NRXN1: variants seen among roughly 807,000 people sequenced by gnomAD.
NRXN1 encodes the protein neurexin 1, also known as neurexin-1.
A neutral mutation model predicts 150.9 loss-of-function variants in NRXN1; 39 were observed. The observed-to-expected ratio is 0.26, with a 90% CI of 0.20 to 0.34. The LOEUF (loss-of-function observed/expected upper bound fraction) is 0.34. NRXN1 is among the 10% of genes least tolerant of loss of function. The probability of loss-of-function intolerance (pLI) is 1.00; values close to 1 mark genes in which losing one functional copy is unlikely to be tolerated. For missense variants in NRXN1, 1,815 were observed against 1,949.9 expected, an observed-to-expected ratio of 0.93 and a Z score of 1.30; for synonymous variants, 924 against 757.0, an observed-to-expected ratio of 1.22 and a Z score of -3.62.
intron 5 of NRXN1, among the ~76,000 whole-genome samples, chr2:50,774,342 TTACA>T (rs1035316967): frequency 5.3e-5 from 8 of 152,098 alleles, no homozygotes; most frequent in African/African-American, 1.7e-4. Flanking sequence ...ATTAAACACA[TTACA>T]GATGAGTTGA....
chr2:50,293,520 C>A (rs966962210), intron 17 of NRXN1, among the ~76,000 whole-genome samples: 2 of 152,038 alleles, frequency 1.3e-5, no homozygotes, highest in African/African-American at 4.8e-5. Flanking sequence ...CCTAAAAGAA[C>A]AAAATTCAAT....
intron 19 of NRXN1, among the ~76,000 whole-genome samples, chr2:50,077,429 T>C (rs551185787): frequency 1.3e-5 from 2 of 152,188 alleles, no homozygotes; most frequent in East Asian, 1.9e-4. Flanking sequence ...TCTACTGTGA[T>C]TGTGCTCATT....
rs79326317 is a variant in NRXN1, at chr2:50,657,445, C to T, written c.833-33830G>A. On this transcript the variant is annotated intron_variant, in intron 5 of 22. Coordinates refer to ENST00000401669, the MANE Select transcript of NRXN1 (RefSeq NM_001330078.2). The stretch of plus-strand genomic sequence containing the variant: ...AATCACTCATGTTTAAATATTTTTT[C>T]GTCCATCTCCTACAGTAGAATATGA... 4.4e-3 allele frequency among the ~76,000 whole-genome samples: 671 copies of T among 152,036 alleles called. 7 individuals are homozygous for T. Among genetic ancestry groups the T allele is most frequent in the East Asian group, 0.029 (148 of 5,140 alleles).
chr2:50,855,532 C>A (rs1675144409), intron 5 of NRXN1, among the ~76,000 whole-genome samples: 1 of 151,910 alleles, frequency 6.6e-6, no homozygotes, highest in South Asian at 2.1e-4. Context: ...CCTCACTTTA[C>A]CAATGGCCAA....
intron 5 of NRXN1, among the ~76,000 whole-genome samples, chr2:50,909,530 G>A (rs1684230282): frequency 6.6e-6 from 1 of 151,838 alleles, no homozygotes; most frequent in Admixed American, 6.6e-5. Context: ...GTACTTTCTG[G>A]CTCCTAGTAA....
At chr2:50,162,646 C>A (rs960980309) in intron 18 of NRXN1, among the ~76,000 whole-genome samples, 1 of 152,060 alleles carries the variant, frequency 6.6e-6, no homozygotes, top group Non-Finnish European at 1.5e-5. Flanking sequence ...GTATATTACA[C>A]ACACACACAA....
intron 21 of NRXN1, among the ~76,000 whole-genome samples, chr2:50,050,725 T>C (rs1003815522): frequency 6.6e-6 from 1 of 152,006 alleles, no homozygotes; most frequent in Non-Finnish European, 1.5e-5. Flanking sequence ...TTACGAATTA[T>C]GGAAAATTTT....
chr2:50,711,195 G>C (rs1285377370), intron 5 of NRXN1, among the ~76,000 whole-genome samples: 2 of 152,106 alleles, frequency 1.3e-5, no homozygotes, highest in East Asian at 1.9e-4. Context: ...GTTTTGGTAA[G>C]TTTAAGCATT....
chr2:50,899,398 C>T (rs756210015), intron 5 of NRXN1, among the ~76,000 whole-genome samples: 41 of 152,068 alleles, frequency 2.7e-4, no homozygotes, highest in Non-Finnish European at 5.1e-4. Flanking sequence ...AAAGGAGGGT[C>T]TTCCCACTAC....
chr2:50,022,362 G>T (rs1161483633), intron 21 of NRXN1, among the ~76,000 whole-genome samples: 1 of 152,126 alleles, frequency 6.6e-6, no homozygotes, highest in Non-Finnish European at 1.5e-5. Flanking sequence ...ATTTAAAAAA[G>T]GTGATACCTT....
At chr2:50,660,604 T>C (rs571328714) in intron 5 of NRXN1, among the ~76,000 whole-genome samples, 5 of 152,148 alleles carry the variant, frequency 3.3e-5, no homozygotes, top group South Asian at 2.1e-4. Flanking sequence ...TCAAGGGTAA[T>C]GTGTAGCTTG....
chr2:50,229,203 C>T (rs776810452), intron 18 of NRXN1, among the ~76,000 whole-genome samples: 3 of 151,996 alleles, frequency 2.0e-5, no homozygotes, highest in Non-Finnish European at 4.4e-5. Flanking sequence ...TAATAGGATT[C>T]TAATGCTGTA....
At chr2:50,076,040 A>G (rs1216886046) in intron 19 of NRXN1, among the ~76,000 whole-genome samples, 2 of 152,252 alleles carry the variant, frequency 1.3e-5, no homozygotes, top group Non-Finnish European at 2.9e-5. Flanking sequence ...CTTCTGTGAT[A>G]TCAGCCTTGA....
At chr2:50,585,997 G>A (rs896038032) in intron 8 of NRXN1, among the ~76,000 whole-genome samples, 21 of 152,150 alleles carry the variant, frequency 1.4e-4, no homozygotes, top group African/African-American at 4.3e-4. Flanking sequence ...CTTTCTTCTG[G>A]AGAAAATGGG....
intron 8 of NRXN1, among the ~76,000 whole-genome samples, chr2:50,590,219 G>A (rs6718248): frequency 0.55 from 83,081 of 151,964 alleles, 23,071 homozygotes; most frequent in Admixed American, 0.63. Context: ...TAAGTTCCAA[G>A]TCAGAGATTT....
chr2:50,495,781 G>A (rs2091569673), intron 15 of NRXN1, 124 bp downstream of exon 15: 1 of 696,292 alleles, frequency 1.4e-6, no homozygotes, highest in East Asian at 2.9e-5. Flanking sequence ...TTAATTATGT[G>A]CTGAAAATGA....
At chr2:50,940,436 C>T (rs1689239804) in intron 2 of NRXN1, among the ~76,000 whole-genome samples, 1 of 148,052 alleles carries the variant, frequency 6.8e-6, no homozygotes, top group African/African-American at 2.5e-5. Flanking sequence ...TATCGTGCCA[C>T]TGTACTCCAA....
At chr2:50,537,886 AC>A (rs2093301137) in intron 10 of NRXN1, among the ~76,000 whole-genome samples, 1 of 152,186 alleles carries the variant, frequency 6.6e-6, no homozygotes, top group Non-Finnish European at 1.5e-5. Flanking sequence ...GGGTATTAGC[AC>A]TAGAAGCCAT....
chr2:50,126,521 A>G (rs985341893), intron 18 of NRXN1, among the ~76,000 whole-genome samples: 36 of 152,290 alleles, frequency 2.4e-4, no homozygotes, highest in Admixed American at 1.8e-3. Context: ...AAAAGCAAGT[A>G]AGATATAATA....
Sources: allele counts gnomAD v4.1 joint callset (sites outside exome capture counted in the v4.1 genomes callset), GRCh38; gene constraint gnomAD v4.1.1; transcripts MANE v1.5; gene names NCBI Gene and HGNC (gene_info 2026-07-23, HGNC 2026-07-21).